OPN5: variants seen among roughly 807,000 people sequenced by gnomAD.
OPN5 encodes the protein opsin-5.
A neutral mutation model predicts 41.7 loss-of-function variants in OPN5; 18 were observed. The ratio of observed to expected loss-of-function variants is 0.43; its 90% CI spans 0.30 to 0.64. The LOEUF is 0.64. OPN5 is among the 30% of genes least tolerant of loss of function. OPN5 has a pLI of 0.13. For missense variants in OPN5, 318 were observed against 434.5 expected (o/e 0.73, Z 2.38); for synonymous variants, 178 against 164.3 (o/e 1.08, Z -0.64).
intron 4 of OPN5, among the ~76,000 whole-genome samples, chr6:47,805,698 A>G (rs9473194): frequency 0.14 from 20,532 of 152,076 alleles, 1,480 homozygotes; most frequent in Middle Eastern, 0.16. Flanking sequence ...TATGGGAAAA[A>G]CACATCCAAT....
rs200503533 is a variant in OPN5, at chr6:47,808,158, C to T, written c.761C>T (p.Ala254Val). The T allele has an allele frequency of 6.2e-6, 10 of 1,613,546 alleles. No individual in the cohort carries two copies. Among genetic ancestry groups the T allele is most frequent in the Non-Finnish European group, 8.5e-6 (10 of 1,179,766 alleles). ...TCTGTTGCTTTCCCTCATCAGGTAG[C>T]GATGTTGATTTGTGCTGGATTCCTG... Residue 254 changes from alanine (A) to valine (V), a missense_variant, in exon 5 of 7, where the codon GCG (alanine) becomes GTG (valine). This residue lies in a region of OPN5 where 219 missense variants were observed against 343.4 expected (regional missense o/e 0.64). Transcript: ENST00000371211.
rs1030708693 is a variant in OPN5, at chr6:47,812,774, C to T, written c.1056+1043C>T. 2.6e-5 allele frequency among the ~76,000 whole-genome samples: 4 copies of T among 152,274 alleles called. No individual in the cohort carries two copies. In the South Asian group the frequency reaches 8.3e-4, roughly 32 times the overall value. The stretch of plus-strand genomic sequence containing the variant: ...CATCTACCTCCCCTTCTGCTATGAA[C>T]TTAAGCCTTGCTCATCAATTGTGAT... On this transcript the variant is annotated intron_variant, in intron 6 of 6. Coordinates refer to ENST00000371211, the Ensembl canonical transcript of OPN5.
downstream of OPN5, chr6:47,826,149 C>A (rs1354258181): frequency 6.6e-6 from 1 of 152,030 alleles, no homozygotes; most frequent in Admixed American, 6.6e-5. Context: ...TCCCATGTAT[C>A]CATCATCCAG....
At chr6:47,823,808 T>C (rs952183093) in intron 6 of OPN5, among the ~76,000 whole-genome samples, 175 bp from the exon 7 acceptor site, 3 of 152,160 alleles carry the variant, frequency 2.0e-5, no homozygotes, top group African/African-American at 7.2e-5. Context: ...AGGATGCACC[T>C]GCAAAGAGGA....
At chr6:47,791,887 T>C (rs1561891578) in exon 3 of OPN5, 1 of 1,614,096 alleles carries the variant, frequency 6.2e-7, no homozygotes, top group Admixed American at 1.7e-5. Flanking sequence ...ATGGATGGGC[T>C]GGATTTTTCT....
intron 2 of OPN5, among the ~76,000 whole-genome samples, chr6:47,788,829 A>G (rs2113951748): frequency 6.7e-6 from 1 of 148,402 alleles, no homozygotes; most frequent in Non-Finnish European, 1.5e-5. Flanking sequence ...GGTGGTGTTA[A>G]AAATATGTAT....
intron 4 of OPN5, among the ~76,000 whole-genome samples, chr6:47,797,559 T>A (rs977234695): frequency 2.6e-5 from 4 of 152,216 alleles, no homozygotes; most frequent in Non-Finnish European, 4.4e-5. Context: ...AATGTACCAA[T>A]GATGAAAAAT....
At chr6:47,796,535 C>T (rs551498928) in intron 4 of OPN5, among the ~76,000 whole-genome samples, 146 of 152,018 alleles carry the variant, frequency 9.6e-4, no homozygotes, top group African/African-American at 3.3e-3. Flanking sequence ...TAATTTAACC[C>T]CCCAAATTTT....
Position 47,808,250 on chromosome 6 carries a change from A to G in OPN5, c.853A>G (p.Ile285Val), listed in dbSNP as rs1244674419. The G allele has an allele frequency of 5.0e-6, 8 of 1,613,690 alleles. No homozygotes were observed. The East Asian group carries it at 8.9e-5, about 18-fold the overall frequency. Reference sequence around the variant, plus strand: ...TTTTGGAAGGCCAGACTCCATTCCCATACAGCTCTCTGTGGTGCCAACCCT... The same window carrying G: ...TTTTGGAAGGCCAGACTCCATTCCCGTACAGCTCTCTGTGGTGCCAACCCT... The change falls in exon 5 of 7, where the codon ATA becomes GTA. Residue 285 changes from isoleucine (I) to valine (V), a missense_variant. Coordinates refer to ENST00000371211, the Ensembl canonical transcript of OPN5.
At chr6:47,822,979 T>A (rs1186608203) in intron 6 of OPN5, among the ~76,000 whole-genome samples, 2 of 152,192 alleles carry the variant, frequency 1.3e-5, no homozygotes, top group Non-Finnish European at 2.9e-5. Context: ...CAGTTTGCCT[T>A]GGTTGCTCTG....
downstream of OPN5, chr6:47,825,917 C>T (rs1466549415): frequency 1.3e-5 from 2 of 152,066 alleles, no homozygotes; most frequent in Non-Finnish European, 2.9e-5. Flanking sequence ...GTGAAAGAAG[C>T]AGATGATTTA....
intron 1 of OPN5, among the ~76,000 whole-genome samples, chr6:47,786,020 C>T (rs1261293425): frequency 6.6e-6 from 1 of 152,210 alleles, no homozygotes; most frequent in African/African-American, 2.4e-5. Flanking sequence ...GGAGTTATGC[C>T]AGTCATACCT....
intron 1 of OPN5, among the ~76,000 whole-genome samples, chr6:47,783,525 G>A (rs1773128987): frequency 1.3e-5 from 2 of 152,128 alleles, no homozygotes; most frequent in South Asian, 2.1e-4. Flanking sequence ...TGAGGCAAAA[G>A]GAACTCATGT....
At chr6:47,784,338 C>A (rs956568529) in intron 1 of OPN5, among the ~76,000 whole-genome samples, 2 of 152,038 alleles carry the variant, frequency 1.3e-5, no homozygotes, top group African/African-American at 4.8e-5. Flanking sequence ...ACTCTGTCAC[C>A]CAGGTTGGAG....
chr6:47,825,087 G>T (rs1459761812), downstream of OPN5: 5 of 152,154 alleles, frequency 3.3e-5, no homozygotes, highest in African/African-American at 1.2e-4. Context: ...CATAATGAAT[G>T]AATGAGAAGG....
intron 6 of OPN5, among the ~76,000 whole-genome samples, chr6:47,821,535 G>T (rs1037426417): frequency 6.6e-6 from 1 of 152,198 alleles, no homozygotes; most frequent in South Asian, 2.1e-4. Context: ...AATTCACTAA[G>T]GTCTTTGAAC....
At chr6:47,811,875 G>T (rs185386608) in intron 6 of OPN5, 144 bp downstream of exon 6, 399 of 486,660 alleles carry the variant, frequency 8.2e-4, no homozygotes, top group African/African-American at 6.8e-3. Flanking sequence ...GCCAGGGGTT[G>T]CTGGGAAATT....
chr6:47,793,877 GTT>G, intron 3 of OPN5: 1 of 570,960 alleles, frequency 1.8e-6, no homozygotes, highest in Non-Finnish European at 2.2e-6. Context: ...TGTTTTATCA[GTT>G]TTAGTGGAGA....
intron 6 of OPN5, among the ~76,000 whole-genome samples, chr6:47,821,925 C>A (rs556927520): frequency 1.3e-5 from 2 of 151,970 alleles, no homozygotes; most frequent in Non-Finnish European, 2.9e-5. Context: ...GCAGCCTGGC[C>A]AATATGGCAA....
Sources: allele counts gnomAD v4.1 joint callset (sites outside exome capture counted in the v4.1 genomes callset), GRCh38; gene constraint gnomAD v4.1.1; regional missense constraint gnomAD v4.1.1; transcripts MANE v1.5; gene names NCBI Gene and HGNC (gene_info 2026-07-23, HGNC 2026-07-21).